Variants in ZNF98 observed in about 807,000 individuals in gnomAD.
ZNF98 encodes the protein zinc finger protein 739.
A neutral mutation model predicts 12.8 loss-of-function variants in ZNF98; 8 were observed. The observed-to-expected ratio is 0.63, with a 90% CI of 0.37 to 1.13. ZNF98 has a LOEUF of 1.13. Among genes scored for constraint, ZNF98 ranks in the 50% most tolerant of loss-of-function variants. ZNF98 has a pLI of 0.01. For synonymous variants in ZNF98, 112 were observed against 223.5 expected, an observed-to-expected ratio of 0.50 and a Z score of 4.45; for missense variants, 379 against 666.1, an observed-to-expected ratio of 0.57 and a Z score of 4.74.
intron 1 of ZNF98, among the ~76,000 whole-genome samples, chr19:22,417,494 C>A (rs1466775919): frequency 6.6e-6 from 1 of 152,056 alleles, no homozygotes; most frequent in Admixed American, 6.5e-5. Flanking sequence ...GAATAAAAAT[C>A]TATGAGTGGG....
intron 1 of ZNF98, among the ~76,000 whole-genome samples, chr19:22,406,530 C>T (rs1969520857): frequency 6.6e-6 from 1 of 151,992 alleles, no homozygotes; most frequent in African/African-American, 2.4e-5. Flanking sequence ...ATGAAAAAAA[C>T]GCTGAAGCCA....
chr19:22,405,487 A>T (rs549123618), intron 1 of ZNF98, among the ~76,000 whole-genome samples: 1 of 152,242 alleles, frequency 6.6e-6, no homozygotes, highest in Non-Finnish European at 1.5e-5. Flanking sequence ...TGAGAGCCAT[A>T]CGGGGAAGGG....
rs1379390454 is a variant in ZNF98 at position 22,415,947 on chromosome 19, A to AC, written c.30+6247_30+6248insG. On this transcript the variant is annotated intron_variant, in intron 1 of 3. Coordinates refer to ENST00000357774, the MANE Select transcript of ZNF98 (RefSeq NM_001098626.2). ...GTTCCTACTTAAAAAAAAAAAAAAA[A>AC]AAACTACAGACACACACACACACAC... Among the ~76,000 whole-genome samples the AC allele has an allele frequency of 2.8e-3, 348 of 123,934 alleles. 4 individuals are homozygous for AC. The highest frequency in any genetic ancestry group is 0.01 in the African/African-American group (338 of 33,498). The allele number at this position is 123,934 out of a possible 152,430, so 81.3% of individuals were successfully genotyped here. A position where few individuals can be genotyped will look rare whatever the true frequency, so the allele number is the denominator to read the frequency against.
rs2145105790 is a variant in ZNF98 at position 22,392,738 on chromosome 19, A to T, written c.497T>A (p.Phe166Tyr). The T allele has an allele frequency of 3.7e-6, 6 of 1,607,444 alleles. No individual in the cohort carries two copies. Among genetic ancestry groups the T allele is most frequent in the Non-Finnish European group, 5.1e-6 (6 of 1,176,760 alleles). The stretch of plus-strand genomic sequence containing the variant: ...TATCTTATGTCTGTTTGAATTTGAA[A>T]ATTTATGAAAGACTTTCACATATTT... Reference protein sequence around the residue: ...YDKYVKVFHKFSNSNRHKIGH... With the variant: ...YDKYVKVFHKYSNSNRHKIGH... Residue 166 changes from phenylalanine (F) to tyrosine (Y), a missense_variant, in exon 4 of 4, where the codon TTT (phenylalanine) becomes TAT (tyrosine). By Grantham distance (22) the Phe-to-Tyr change is conservative. Around this residue, in one of 8 missense-constraint regions of ZNF98, gnomAD observed 223 missense variants for 261.6 expected, o/e 0.85. Transcript: ENST00000357774.
chr19:22,395,989 A>G (rs1470298276), intron 3 of ZNF98, among the ~76,000 whole-genome samples: 1 of 152,054 alleles, frequency 6.6e-6, no homozygotes, highest in African/African-American at 2.4e-5. Context: ...TTAGCACTGC[A>G]TATGCCCTAC....
At chr19:22,419,842 A>G (rs1316408031) in intron 1 of ZNF98, among the ~76,000 whole-genome samples, 2 of 152,034 alleles carry the variant, frequency 1.3e-5, no homozygotes, top group Non-Finnish European at 2.9e-5. Context: ...TCACAAATTT[A>G]CCCTGCAATA....
At chr19:22,416,579 C>T (rs1318137931) in intron 1 of ZNF98, among the ~76,000 whole-genome samples, 1 of 151,498 alleles carries the variant, frequency 6.6e-6, no homozygotes, top group African/African-American at 2.4e-5. Flanking sequence ...AGTTCAAGAC[C>T]CTGTCTCTAC....
intron 1 of ZNF98, among the ~76,000 whole-genome samples, chr19:22,408,287 A>G (rs997164489): frequency 4.6e-5 from 7 of 152,186 alleles, no homozygotes; most frequent in African/African-American, 1.7e-4. Flanking sequence ...GTGTTGATGG[A>G]ACATATCTCA....
At chr19:22,415,307 C>A (rs1379730563) in intron 1 of ZNF98, among the ~76,000 whole-genome samples, 1 of 152,138 alleles carries the variant, frequency 6.6e-6, no homozygotes, top group Non-Finnish European at 1.5e-5. Flanking sequence ...CGATTCCTCA[C>A]AGAACTAAAA....
At chr19:22,418,903 G>A (rs1190367568) in intron 1 of ZNF98, among the ~76,000 whole-genome samples, 1 of 152,124 alleles carries the variant, frequency 6.6e-6, no homozygotes, top group African/African-American at 2.4e-5. Flanking sequence ...TTTTTCTTCA[G>A]TGGTCAAAAT....
At chr19:22,408,559 A>C (rs1291432723) in intron 1 of ZNF98, among the ~76,000 whole-genome samples, 1 of 152,210 alleles carries the variant, frequency 6.6e-6, no homozygotes, top group Non-Finnish European at 1.5e-5. Flanking sequence ...ATCTCAGCCC[A>C]AAAACTCCGT....
At chr19:22,399,177 T>C (rs1195200920) in intron 3 of ZNF98, among the ~76,000 whole-genome samples, 1 of 152,188 alleles carries the variant, frequency 6.6e-6, no homozygotes, top group Non-Finnish European at 1.5e-5. Context: ...TGTAACTTGA[T>C]GTAGCATTAA....
chr19:22,413,312 A>G (rs1458090776), intron 1 of ZNF98, among the ~76,000 whole-genome samples: 1 of 152,186 alleles, frequency 6.6e-6, no homozygotes, highest in Admixed American at 6.5e-5. Flanking sequence ...TTCTGTTTAC[A>G]GATGACATAA....
intron 1 of ZNF98, among the ~76,000 whole-genome samples, chr19:22,408,516 G>A (rs1969546972): frequency 1.3e-5 from 2 of 152,124 alleles, no homozygotes; most frequent in Admixed American, 6.6e-5. Flanking sequence ...TCTGTTTGCA[G>A]ATGACATTAT....
intron 1 of ZNF98, among the ~76,000 whole-genome samples, chr19:22,405,849 T>G (rs1436194913): frequency 6.6e-6 from 1 of 152,104 alleles, no homozygotes; most frequent in Non-Finnish European, 1.5e-5. Flanking sequence ...ACACCGGCTG[T>G]GCCAGACTAC....
chr19:22,404,170 A>T (rs1568293557), intron 1 of ZNF98, among the ~76,000 whole-genome samples: 1 of 152,248 alleles, frequency 6.6e-6, no homozygotes, highest in South Asian at 2.1e-4. Context: ...CAGTGAGCTG[A>T]AATCGCGCCA....
intron 3 of ZNF98, among the ~76,000 whole-genome samples, chr19:22,400,725 C>A (rs535874851): frequency 6.6e-6 from 1 of 151,928 alleles, no homozygotes; most frequent in Non-Finnish European, 1.5e-5. Flanking sequence ...GAGGCCAAGG[C>A]GGGTGGATCA....
chr19:22,402,021 T>C (rs936453753), intron 3 of ZNF98, among the ~76,000 whole-genome samples: 2 of 148,874 alleles, frequency 1.3e-5, no homozygotes, highest in African/African-American at 4.9e-5. Flanking sequence ...ACTAAAAATA[T>C]AAAAATTAGC....
chr19:22,392,942 T>G lies in ZNF98; in HGVS notation c.293A>C (p.Gln98Pro), dbSNP rs775289564. 1.3e-6 allele frequency: 2 copies of G among 1,568,144 alleles called. No individual in the cohort carries two copies. The highest frequency in any genetic ancestry group is 1.7e-6 in the Non-Finnish European group (2 of 1,161,804). ...SYFAQDLWPK[Q>P]GKKNYFQKVI... ...TTTTTGGAAATAATTTTTTTTGCCC[T>G]GCTTTGGCCAAAGGTCTTGGGCAAA... Residue 98 changes from glutamine to proline, a missense_variant, in exon 4 of 4, where the codon CAG becomes CCG. Coordinates refer to ENST00000357774, the MANE Select transcript of ZNF98 (RefSeq NM_001098626.2).
Sources: gnomAD v4.1 joint callset for allele counts (sites outside exome capture counted in the v4.1 genomes callset) on GRCh38, gnomAD v4.1.1 for gene constraint, gnomAD v4.1.1 regional missense constraint, MANE v1.5 for transcripts, NCBI Gene and HGNC (gene_info 2026-07-23, HGNC 2026-07-21) for gene names.